Variants in PARD3B observed in about 807,000 individuals in gnomAD.
The protein encoded by PARD3B is partitioning defective 3 homolog B.
PARD3B carries 103 observed loss-of-function variants against 130.2 expected under a neutral mutation model. The ratio of observed to expected loss-of-function variants is 0.79; its 90% CI spans 0.67 to 0.93. The LOEUF (loss-of-function observed/expected upper bound fraction) is 0.93. Among genes scored for constraint, PARD3B ranks in the 40% least tolerant of loss-of-function variants. The pLI, the probability that PARD3B is intolerant of heterozygous loss-of-function variation, is 0.00. For missense variants in PARD3B, 1,609 were observed against 1,499.2 expected, an observed-to-expected ratio of 1.07 and a Z score of -1.21; for synonymous variants, 583 against 553.2, an observed-to-expected ratio of 1.05 and a Z score of -0.76.
At chr2:204,930,650 A>G (rs541726285) in intron 2 of PARD3B, among the ~76,000 whole-genome samples, 1 of 152,062 alleles carries the variant, frequency 6.6e-6, no homozygotes, top group African/African-American at 2.4e-5. Flanking sequence ...CTAAAACTTC[A>G]TTTTTAACAT....
intron 2 of PARD3B, among the ~76,000 whole-genome samples, chr2:204,753,484 C>T (rs1407443118): frequency 6.6e-6 from 1 of 152,054 alleles, no homozygotes; most frequent in East Asian, 1.9e-4. Flanking sequence ...CTATTATCTG[C>T]AGCTTACTTA....
At chr2:205,246,212 T>G (rs2039564223) in intron 16 of PARD3B, among the ~76,000 whole-genome samples, 1 of 145,348 alleles carries the variant, frequency 6.9e-6, no homozygotes, top group East Asian at 2.1e-4. Flanking sequence ...CATTTTTTTC[T>G]CCTCAAAAAA....
chr2:204,732,083 G>T (rs1264998546), intron 2 of PARD3B, among the ~76,000 whole-genome samples: 14 of 145,742 alleles, frequency 9.6e-5, no homozygotes, highest in African/African-American at 3.3e-4. Context: ...AATAATTGTG[G>T]TTTTTTTTTT....
chr2:204,993,783 C>G (rs1247775294), intron 3 of PARD3B, among the ~76,000 whole-genome samples: 1 of 149,772 alleles, frequency 6.7e-6, no homozygotes, highest in Non-Finnish European at 1.5e-5. Flanking sequence ...TTCAGAGATT[C>G]AACTTCTTCC....
chr2:204,886,989 C>T (rs1367076989), intron 2 of PARD3B, among the ~76,000 whole-genome samples: 1 of 152,174 alleles, frequency 6.6e-6, no homozygotes, highest in African/African-American at 2.4e-5. Flanking sequence ...CAAAGGCCCA[C>T]AGGGTATGTA....
intron 18 of PARD3B, among the ~76,000 whole-genome samples, chr2:205,314,844 C>T (rs1295226744): frequency 1.3e-5 from 2 of 152,158 alleles, no homozygotes; most frequent in Non-Finnish European, 2.9e-5. Flanking sequence ...CCAGCTCATC[C>T]TGACTCTCCC....
chr2:205,470,168 CT>C lies in PARD3B; in HGVS notation c.3044+29497del, dbSNP rs1354856096. On this transcript the variant is annotated intron_variant, in intron 20 of 22. Transcript: ENST00000406610. The surrounding 1 kb of genome is among the most constrained non-coding windows in gnomAD (Gnocchi z 4.8). ...TTTCCAGTTCCAAAATTATATGGTT[CT>C]GCAATTCTTTAATGGAAGCAAAATA... is the stretch of plus-strand genomic sequence containing the variant. Among the ~76,000 whole-genome samples the C allele has an allele frequency of 1.3e-5, 2 of 152,150 alleles. No individual in the cohort carries two copies. The highest frequency in any genetic ancestry group is 2.9e-5 in the Non-Finnish European group (2 of 68,028).
intron 21 of PARD3B, among the ~76,000 whole-genome samples, chr2:205,527,086 G>A (rs2051371454): frequency 6.6e-6 from 1 of 152,146 alleles, no homozygotes; most frequent in South Asian, 2.1e-4. Context: ...CACAGCAAGT[G>A]TAACTATAAT....
chr2:205,522,314 G>T (rs1197041841), intron 21 of PARD3B, among the ~76,000 whole-genome samples: 1 of 151,274 alleles, frequency 6.6e-6, no homozygotes, highest in African/African-American at 2.4e-5. Context: ...AAATATTAAA[G>T]ACTTTATTTT....
chr2:204,765,392 A>G (rs1471968514), intron 2 of PARD3B, among the ~76,000 whole-genome samples: 1 of 152,164 alleles, frequency 6.6e-6, no homozygotes, highest in East Asian at 1.9e-4. Flanking sequence ...TTGCTGCAAG[A>G]AGATCAGTGG....
chr2:205,002,982 GA>G lies in PARD3B; in HGVS notation c.394+37661del, dbSNP rs568463623. Among the ~76,000 whole-genome samples the G allele has an allele frequency of 3.9e-5, 6 of 152,318 alleles. No homozygotes were observed. The South Asian group carries it at 1.2e-3, about 32-fold the overall frequency. Reference sequence around the variant, plus strand: ...ACAACACCCAGCACTTGCACTGGTCGAAGGTTGTTCCAGGCTGATGTGGAGC... The same window carrying G: ...ACAACACCCAGCACTTGCACTGGTCGAGGTTGTTCCAGGCTGATGTGGAGC... On this transcript the variant is annotated intron_variant, in intron 3 of 22. Coordinates refer to ENST00000406610, the MANE Select transcript of PARD3B (RefSeq NM_001302769.2).
At chr2:205,613,964 A>G (rs1021611590) in intron 22 of PARD3B, among the ~76,000 whole-genome samples, 4 of 152,174 alleles carry the variant, frequency 2.6e-5, no homozygotes, top group Non-Finnish European at 4.4e-5. Flanking sequence ...GTGTCCTAGC[A>G]GTGTGTCTGA....
intron 2 of PARD3B, among the ~76,000 whole-genome samples, chr2:204,905,586 T>G (rs2047014602): frequency 6.6e-6 from 1 of 152,146 alleles, no homozygotes; most frequent in African/African-American, 2.4e-5. Context: ...CTTAAAAAAA[T>G]GATGAGTTTT....
At chr2:204,979,213 A>C (rs1183669495) in intron 3 of PARD3B, among the ~76,000 whole-genome samples, 1 of 152,008 alleles carries the variant, frequency 6.6e-6, no homozygotes, top group Non-Finnish European at 1.5e-5. Flanking sequence ...CTCAAAAAAA[A>C]AAAAAATCAC....
intron 11 of PARD3B, among the ~76,000 whole-genome samples, chr2:205,171,505 T>C (rs1486302982): frequency 6.6e-6 from 1 of 152,214 alleles, no homozygotes; most frequent in Non-Finnish European, 1.5e-5. Flanking sequence ...TTGTGCTTTG[T>C]AGTAAGTGGT....
intron 10 of PARD3B, among the ~76,000 whole-genome samples, chr2:205,151,673 T>G (rs567973707): frequency 6.6e-6 from 1 of 152,340 alleles, no homozygotes; most frequent in Non-Finnish European, 1.5e-5. Flanking sequence ...TTTGTGTCTC[T>G]GCATGTGAGA....
intron 4 of PARD3B, among the ~76,000 whole-genome samples, chr2:205,094,808 A>G (rs1702308735): frequency 6.6e-6 from 1 of 152,160 alleles, no homozygotes; most frequent in African/African-American, 2.4e-5. Context: ...ATCAGTGTAT[A>G]TGGGATATTT....
intron 1 of PARD3B, among the ~76,000 whole-genome samples, chr2:204,597,228 A>G (rs569895698): frequency 1.9e-4 from 29 of 148,816 alleles, no homozygotes; most frequent in Admixed American, 1.3e-3. Flanking sequence ...GAATGGATGA[A>G]TTTTTCTTAT....
intron 2 of PARD3B, among the ~76,000 whole-genome samples, chr2:204,711,192 T>G (rs2038416206): frequency 6.6e-6 from 1 of 152,186 alleles, no homozygotes; most frequent in Non-Finnish European, 1.5e-5. Flanking sequence ...AATTACTTGT[T>G]TTATAGTATT....
Sources: gnomAD v4.1 joint callset for allele counts (sites outside exome capture counted in the v4.1 genomes callset) on GRCh38, gnomAD v4.1.1 for gene constraint, Gnocchi (gnomAD v3.1) non-coding constraint, MANE v1.5 for transcripts, NCBI Gene and HGNC (gene_info 2026-07-23, HGNC 2026-07-21) for gene names.